The following C14orf132 variants were observed in gnomAD, a reference collection of about 807,000 sequenced individuals.
The protein encoded by C14orf132 is chromosome 14 open reading frame 132.
Under a neutral mutation model 5.8 loss-of-function variants are expected in C14orf132, and 6 were observed. The ratio of observed to expected loss-of-function variants is 1.03; its 90% CI spans 0.57 to 2.04. The LOEUF (loss-of-function observed/expected upper bound fraction) is 2.04, where lower values mean the gene tolerates loss of function less well. Among genes scored for constraint, C14orf132 ranks in the 30% most tolerant of loss-of-function variants. The pLI is 0.00. For synonymous variants in C14orf132, 51 were observed against 49.8 expected (o/e 1.02, Z -0.10); for missense variants, 125 against 115.8 (o/e 1.08, Z -0.37).
intron 1 of C14orf132, among the ~76,000 whole-genome samples, chr14:96,069,168 CATATATATATGTATAT>C (rs929491604): frequency 1.4e-4 from 9 of 62,818 alleles, no homozygotes; most frequent in African/African-American, 2.1e-4. Flanking sequence ...TAAATCTCTT[CATATATATATGTATAT>C]ATATATATAT....
At chr14:96,062,374 G>C (rs1887383947) in intron 1 of C14orf132, among the ~76,000 whole-genome samples, 1 of 152,104 alleles carries the variant, frequency 6.6e-6, no homozygotes, top group East Asian at 1.9e-4. Context: ...ACCATGAGAT[G>C]AGCATCACCA....
chr14:96,041,337 G>A lies in C14orf132; in HGVS notation c.27+1810G>A, dbSNP rs567243738. ...CATTTTACAGGTCAGGACACTAAAC[G>A]AGATTAAATAATTTGCCCAAGAGCA... On this transcript the variant is annotated intron_variant, in intron 1 of 1. Coordinates refer to ENST00000555004, the MANE Select transcript of C14orf132 (RefSeq NM_001252507.3). 2.0e-5 allele frequency among the ~76,000 whole-genome samples: 3 copies of A among 152,312 alleles called. 1 individual carries two copies. The East Asian group carries it at 5.8e-4, about 29-fold the overall frequency.
chr14:96,083,027 T>TTGGTGGCTTTACCTTAGCCTGGAGG (rs1888074193), intron 1 of C14orf132, among the ~76,000 whole-genome samples: 1 of 152,096 alleles, frequency 6.6e-6, no homozygotes, highest in African/African-American at 2.4e-5. Context: ...GCAGAATCCG[T>TTGGTGGCTTTACCTTAGCCTGGAGG]CCCACACTGA....
Position 96,049,649 on chromosome 14 carries a change from T to TAG in C14orf132, c.27+10123_27+10124insGA, listed in dbSNP as rs1479426721. 2.4e-4 allele frequency among the ~76,000 whole-genome samples: 19 copies of TAG among 79,630 alleles called. 2 individuals are homozygous for TAG. The highest frequency in any genetic ancestry group is 6.8e-4 in the African/African-American group (15 of 22,036). 52.2% of individuals were successfully genotyped at this position (79,630 alleles called of 152,430 possible). On this transcript the variant is annotated intron_variant, in intron 1 of 1. Transcript: ENST00000555004. ...ATATATACATATATACGTATATATA[T>TAG]ATATAGAGAGAGAGAGAGAGAGAGT...
chr14:96,080,696 G>T (rs1467149778), intron 1 of C14orf132, among the ~76,000 whole-genome samples: 1 of 152,188 alleles, frequency 6.6e-6, no homozygotes, highest in Non-Finnish European at 1.5e-5. Context: ...CATGGAGACT[G>T]TTGGGAAGGC....
chr14:96,074,699 A>G (rs1451189451), intron 1 of C14orf132, among the ~76,000 whole-genome samples: 2 of 152,026 alleles, frequency 1.3e-5, no homozygotes, highest in Non-Finnish European at 2.9e-5. Context: ...TTTCCATTGA[A>G]TTGCCTTTGC....
intron 1 of C14orf132, among the ~76,000 whole-genome samples, chr14:96,056,856 C>T (rs56247654): frequency 2.3e-3 from 357 of 152,266 alleles, no homozygotes; most frequent in Non-Finnish European, 4.0e-3. Flanking sequence ...GCCAGCTCCC[C>T]ACGCCTCCTT....
chr14:96,074,866 G>GGT (rs2139673917), intron 1 of C14orf132, among the ~76,000 whole-genome samples: 1 of 150,536 alleles, frequency 6.6e-6, no homozygotes, highest in East Asian at 2.0e-4. Context: ...CACCAAATTT[G>GGT]TTTTCTTTTT....
intron 1 of C14orf132, among the ~76,000 whole-genome samples, chr14:96,069,747 A>G (rs1887648595): frequency 2.0e-5 from 3 of 152,222 alleles, no homozygotes; most frequent in Admixed American, 2.0e-4. Flanking sequence ...TGCATGCCAC[A>G]AAATCCTGCT....
intron 1 of C14orf132, among the ~76,000 whole-genome samples, chr14:96,072,827 T>C (rs1210677882): frequency 2.6e-5 from 4 of 152,276 alleles, no homozygotes; most frequent in African/African-American, 9.6e-5. Flanking sequence ...TGTTCATTTT[T>C]ATCGCCAAGT....
At chr14:96,066,158 C>T (rs937617967) in intron 1 of C14orf132, among the ~76,000 whole-genome samples, 1 of 152,162 alleles carries the variant, frequency 6.6e-6, no homozygotes, top group Non-Finnish European at 1.5e-5. Flanking sequence ...TAGCCAGCCT[C>T]CTCTGAATGC....
Position 96,091,212 on chromosome 14 carries a change from C to T in C14orf132, c.*4477C>T, listed in dbSNP as rs545524921. On this transcript the variant is annotated 3_prime_UTR_variant, in exon 2 of 2. Transcript: ENST00000555004. ...GTGATCCCCCTGGGATGGACCATCT[C>T]GGGATATGAGGCCTCGGAGGCTGGG... 8 of 359,390 alleles carry T rather than the reference C, an allele frequency of 2.2e-5. No homozygotes were observed. Among genetic ancestry groups the T allele is most frequent in the Non-Finnish European group, 3.8e-5 (7 of 183,242 alleles). The allele number at this position is 359,390 out of a possible 1,614,324, so 22.3% of individuals were successfully genotyped here.
chr14:96,045,362 G>T (rs1406540636), intron 1 of C14orf132, among the ~76,000 whole-genome samples: 3 of 152,230 alleles, frequency 2.0e-5, no homozygotes, highest in Non-Finnish European at 2.9e-5. Context: ...AGGGAACTGT[G>T]TGCACAAAGG....
chr14:96,062,453 C>T lies in C14orf132; in HGVS notation c.27+22926C>T, dbSNP rs113030602. 7.4e-4 allele frequency among the ~76,000 whole-genome samples: 113 copies of T among 152,246 alleles called. 1 individual carries two copies. The highest frequency in any genetic ancestry group is 2.7e-3 in the African/African-American group (110 of 41,500). On this transcript the variant is annotated intron_variant, in intron 1 of 1. Transcript: ENST00000555004. ...CCAATGGATCTTCGTGTTTTCCTTTCGTCAATCTACTTTCTCTCTCCCCTG... is the reference window on the plus strand; with the variant it reads ...CCAATGGATCTTCGTGTTTTCCTTTTGTCAATCTACTTTCTCTCTCCCCTG...
At chr14:96,084,136 G>A (rs1216463985) in intron 1 of C14orf132, among the ~76,000 whole-genome samples, 1 of 152,254 alleles carries the variant, frequency 6.6e-6, no homozygotes, top group African/African-American at 2.4e-5. Context: ...TAGGGTGGGA[G>A]AGTGGCTCAG....
chr14:96,051,179 C>T, intron 1 of C14orf132: 1 of 398,702 alleles, frequency 2.5e-6, no homozygotes. Flanking sequence ...ATGGACCAGC[C>T]TAACTCCTTT....
At chr14:96,074,679 G>C (rs1359353171) in intron 1 of C14orf132, among the ~76,000 whole-genome samples, 2 of 151,950 alleles carry the variant, frequency 1.3e-5, no homozygotes, top group Admixed American at 6.6e-5. Flanking sequence ...TTGTTGAAAA[G>C]ACTATCCTTT....
intron 1 of C14orf132, among the ~76,000 whole-genome samples, chr14:96,067,008 G>C (rs1426302446): frequency 6.6e-6 from 1 of 152,108 alleles, no homozygotes; most frequent in Admixed American, 6.5e-5. Flanking sequence ...ATCCCTCTCT[G>C]AGCTCCAAAC....
intron 1 of C14orf132, among the ~76,000 whole-genome samples, chr14:96,064,701 A>G (rs1887478853): frequency 6.6e-6 from 1 of 151,972 alleles, no homozygotes; most frequent in Admixed American, 6.6e-5. Context: ...GGCATAAAAG[A>G]CTACAAATAC....
Sources: gnomAD v4.1 joint callset for allele counts (sites outside exome capture counted in the v4.1 genomes callset) on GRCh38, gnomAD v4.1.1 for gene constraint, MANE v1.5 for transcripts, NCBI Gene and HGNC (gene_info 2026-07-23, HGNC 2026-07-21) for gene names.